Variants in RORA observed in about 807,000 individuals in gnomAD.
The protein encoded by RORA is nuclear receptor ROR-alpha.
A neutral mutation model predicts 69.5 loss-of-function variants in RORA; 7 were observed. That is an observed-to-expected ratio of 0.10 (90% CI 0.06 to 0.19). The LOEUF (loss-of-function observed/expected upper bound fraction) is 0.19. RORA is among the 10% of genes least tolerant of loss of function. RORA has a pLI of 1.00. For missense variants in RORA, 457 were observed against 663.0 expected, an observed-to-expected ratio of 0.69 and a Z score of 3.41; for synonymous variants, 261 against 240.8, an observed-to-expected ratio of 1.08 and a Z score of -0.78.
chr15:60,702,860 G>T (rs1394183631), intron 1 of RORA, among the ~76,000 whole-genome samples: 4 of 152,188 alleles, frequency 2.6e-5, no homozygotes, highest in Non-Finnish European at 5.9e-5. Flanking sequence ...GTCACCTTGT[G>T]TGGAATGGGC....
At chr15:60,894,208 C>T (rs748719370) in intron 1 of RORA, among the ~76,000 whole-genome samples, 1 of 152,228 alleles carries the variant, frequency 6.6e-6, no homozygotes, top group Non-Finnish European at 1.5e-5. Context: ...AAAGCCGCTT[C>T]AGCGATCATT....
chr15:61,166,830 T>C (rs906109220), intron 1 of RORA, among the ~76,000 whole-genome samples: 1 of 152,142 alleles, frequency 6.6e-6, no homozygotes, highest in African/African-American at 2.4e-5. Context: ...ACAGCTACAA[T>C]GCTTGCCAGT....
At chr15:60,997,844 G>A (rs1301244497) in intron 1 of RORA, among the ~76,000 whole-genome samples, 1 of 152,120 alleles carries the variant, frequency 6.6e-6, no homozygotes, top group Non-Finnish European at 1.5e-5. Context: ...TCTTTCTGTG[G>A]CTTTAAGAAT....
chr15:61,015,976 C>T (rs1193410856), intron 1 of RORA, among the ~76,000 whole-genome samples: 5 of 152,110 alleles, frequency 3.3e-5, no homozygotes, highest in South Asian at 2.1e-4. Flanking sequence ...GTGGCCAAGA[C>T]GACCGGAGGG....
chr15:60,755,889 G>A (rs183237004), intron 1 of RORA, among the ~76,000 whole-genome samples: 8 of 152,206 alleles, frequency 5.3e-5, no homozygotes, highest in African/African-American at 9.6e-5. Flanking sequence ...CTCTGACTTC[G>A]GCTTAACCTG....
chr15:60,969,289 T>C (rs1893642374), intron 1 of RORA, among the ~76,000 whole-genome samples: 1 of 152,226 alleles, frequency 6.6e-6, no homozygotes, highest in Admixed American at 6.5e-5. Flanking sequence ...TATCAATTCA[T>C]TAGGTAATAA....
intron 1 of RORA, among the ~76,000 whole-genome samples, chr15:60,955,029 C>A (rs915172961): frequency 6.6e-6 from 1 of 152,168 alleles, no homozygotes; most frequent in Non-Finnish European, 1.5e-5. Flanking sequence ...TAAGGCTGGG[C>A]GTGGTGACTC....
intron 2 of RORA, among the ~76,000 whole-genome samples, chr15:60,641,432 T>C (rs2069942659): frequency 6.6e-6 from 1 of 152,138 alleles, no homozygotes; most frequent in East Asian, 1.9e-4. Flanking sequence ...TTTTTTAAGA[T>C]GGAGTCTTGC....
intron 8 of RORA, 121 bp from the exon 9 acceptor site, chr15:60,501,190 G>A (rs2065320338): frequency 4.7e-6 from 3 of 638,224 alleles, no homozygotes; most frequent in Non-Finnish European, 8.5e-6. Context: ...AGAAAAACAT[G>A]GGGAAGGTGA....
At chr15:61,161,901 T>C (rs2079499224) in intron 1 of RORA, among the ~76,000 whole-genome samples, 1 of 152,212 alleles carries the variant, frequency 6.6e-6, no homozygotes, top group South Asian at 2.1e-4. Flanking sequence ...GTATAATCAC[T>C]ATGAACTGTA....
rs144115295 is a variant in RORA at position 61,072,266 on chromosome 15, C to T, written c.166+156787G>A. On this transcript the variant is annotated intron_variant, in intron 1 of 10. Coordinates refer to ENST00000335670, the MANE Select transcript of RORA (RefSeq NM_134261.3). ...AAGACATCATTACCTGTATATGCCC[C>T]CTCTTCTCAGTTCCCTCAATGGACA... is the stretch of plus-strand genomic sequence containing the variant. Among the ~76,000 whole-genome samples, 832 of 152,234 alleles carry T rather than the reference C, an allele frequency of 5.5e-3. 7 individuals are homozygous for T. Among genetic ancestry groups the T allele is most frequent in the African/African-American group, 0.019 (796 of 41,536 alleles).
chr15:60,615,065 G>GC (rs1235362031), intron 2 of RORA: 1 of 1,589,628 alleles, frequency 6.3e-7, no homozygotes, highest in Non-Finnish European at 8.6e-7. Context: ...CCCACACACA[G>GC]CCCCCTTTCT....
At chr15:60,769,497 A>C (rs1157293379) in intron 1 of RORA, among the ~76,000 whole-genome samples, 1 of 152,168 alleles carries the variant, frequency 6.6e-6, no homozygotes, top group African/African-American at 2.4e-5. Flanking sequence ...TGCTCTGCAA[A>C]TTTGGTTAGG....
At chr15:61,166,709 G>A (rs1400784403) in intron 1 of RORA, among the ~76,000 whole-genome samples, 1 of 151,828 alleles carries the variant, frequency 6.6e-6, no homozygotes. Flanking sequence ...TAGAGGGAGA[G>A]CCAGAGCTAG....
chr15:61,154,774 T>C lies in RORA; in HGVS notation c.166+74279A>G, dbSNP rs534224754. The stretch of plus-strand genomic sequence containing the variant: ...TTGTGTCTTTGCCTCAGTGTGAGTG[T>C]GTGTTCCACATGGAAATGTTATTAG... On this transcript the variant is annotated intron_variant, in intron 1 of 10. Transcript: ENST00000335670. Among the ~76,000 whole-genome samples the C allele has an allele frequency of 2.1e-4, 32 of 152,276 alleles. No individual in the cohort carries two copies. The East Asian group carries it at 3.1e-3, about 15-fold the overall frequency.
intron 1 of RORA, among the ~76,000 whole-genome samples, chr15:61,158,606 C>T (rs1163861214): frequency 1.3e-5 from 2 of 152,148 alleles, no homozygotes; most frequent in Non-Finnish European, 2.9e-5. Context: ...TTACAAGTGT[C>T]CACTTATTTA....
intron 2 of RORA, among the ~76,000 whole-genome samples, chr15:60,665,427 A>C (rs186322818): frequency 1.3e-5 from 2 of 152,360 alleles, no homozygotes; most frequent in Admixed American, 1.3e-4. Flanking sequence ...TCAAGAGGTC[A>C]CTCAGAAAAT....
chr15:61,109,688 A>G (rs1481886922), intron 1 of RORA, among the ~76,000 whole-genome samples: 1 of 152,252 alleles, frequency 6.6e-6, no homozygotes, highest in Non-Finnish European at 1.5e-5. Context: ...GCAGAATAGT[A>G]CGCTTGTTAA....
chr15:61,000,686 G>A (rs529539040), intron 1 of RORA, among the ~76,000 whole-genome samples: 1 of 152,288 alleles, frequency 6.6e-6, no homozygotes, highest in African/African-American at 2.4e-5. Context: ...AAAGAAAAAG[G>A]GCAATTTGAT....
Sources: gnomAD v4.1 joint callset for allele counts (sites outside exome capture counted in the v4.1 genomes callset) on GRCh38, gnomAD v4.1.1 for gene constraint, MANE v1.5 for transcripts, NCBI Gene and HGNC (gene_info 2026-07-23, HGNC 2026-07-21) for gene names.